HNRNPA2B1: variants seen among roughly 807,000 people sequenced by gnomAD.
The protein encoded by HNRNPA2B1 is heterogeneous nuclear ribonucleoproteins A2/B1.
A neutral mutation model predicts 46.3 loss-of-function variants in HNRNPA2B1; 3 were observed. The observed-to-expected ratio is 0.06, with a 90% CI of 0.03 to 0.17. HNRNPA2B1 has a LOEUF of 0.17. HNRNPA2B1 is among the 10% of genes least tolerant of loss of function. The probability of loss-of-function intolerance (pLI) is 1.00; values close to 1 mark genes in which losing one functional copy is unlikely to be tolerated. For synonymous variants in HNRNPA2B1, 225 were observed against 133.8 expected, an observed-to-expected ratio of 1.68 and a Z score of -4.70; for missense variants, 221 against 418.9, an observed-to-expected ratio of 0.53 and a Z score of 4.12.
intron 9 of HNRNPA2B1, 48 bp from the exon 10 acceptor site, chr7:26,192,625 C>A: frequency 6.9e-7 from 1 of 1,452,406 alleles, no homozygotes; most frequent in South Asian, 1.1e-5. Context: ...TTTGATTTCC[C>A]ATGATCAGCC....
intron 1 of HNRNPA2B1, 135 bp downstream of exon 1, chr7:26,200,437 A>T: frequency 1.1e-6 from 1 of 877,068 alleles, no homozygotes; most frequent in Non-Finnish European, 1.9e-6. Flanking sequence ...CCGTTCATAA[A>T]CCTTAAGCCC....
At position 26,197,719 on chromosome 7, in the gene HNRNPA2B1, T is replaced by C; in HGVS notation, c.20A>G (p.Gln7Arg). 6.2e-7 allele frequency: 1 copy of C among 1,613,348 alleles called. No individual in the cohort carries two copies. Among genetic ancestry groups the C allele is most frequent in the South Asian group, 1.1e-5 (1 of 90,900 alleles). Residue 7 changes from glutamine to arginine, a missense_variant, in exon 2 of 11, where the codon CAG becomes CGG. By Grantham distance (43) the Gln-to-Arg change is conservative. Transcript: ENST00000618183. ...GCCACCAATAAAGAGCTTACGGAAC[T>C]GTTCCTTTTCTCTCTGCAAAGGAAA... is the stretch of plus-strand genomic sequence containing the variant. MEREKE[Q>R]FRKLFIGGLS...
In HNRNPA2B1 at chr7:26,192,155, ATGT is replaced by A; in HGVS notation, c.*202_*204del. 1 of 181,286 alleles carries A rather than the reference ATGT, an allele frequency of 5.5e-6. No homozygotes were observed. Among genetic ancestry groups the A allele is most frequent in the Middle Eastern group, 2.3e-3 (1 of 438 alleles). The allele number at this position is 181,286 out of a possible 1,614,324, so 11.2% of individuals were successfully genotyped here. On this transcript the variant is annotated 3_prime_UTR_variant, in exon 11 of 11. Coordinates refer to ENST00000618183, the MANE Select transcript of HNRNPA2B1 (RefSeq NM_002137.4). ...ACAATCCTTCCTCCACAGTAAGGTA[ATGT>A]TATTAAATAATCCAATCCATTCACA... is the stretch of plus-strand genomic sequence containing the variant.
At chr7:26,198,059 A>C in intron 1 of HNRNPA2B1, 1 of 415,598 alleles carries the variant, frequency 2.4e-6, no homozygotes. Flanking sequence ...AAAAATAAAC[A>C]AATGTAGACC....
At chr7:26,196,137 C>A (rs1008926124) in intron 6 of HNRNPA2B1, among the ~76,000 whole-genome samples, 1 of 152,184 alleles carries the variant, frequency 6.6e-6, no homozygotes, top group Non-Finnish European at 1.5e-5. Context: ...CCTATTTATA[C>A]GTAAGAATGA....
At chr7:26,200,505 C>G (rs535725584) in intron 1 of HNRNPA2B1, 67 bp downstream of exon 1, 2 of 1,554,730 alleles carry the variant, frequency 1.3e-6, no homozygotes, top group Non-Finnish European at 1.8e-6. Context: ...GGCTGGCCGA[C>G]TTCCACTGAG....
intron 9 of HNRNPA2B1, 24 bp from the exon 10 acceptor site, chr7:26,192,601 G>T (rs771051414): frequency 6.3e-7 from 1 of 1,597,908 alleles, no homozygotes; most frequent in East Asian, 2.2e-5. Flanking sequence ...AACAGCAAGA[G>T]AAAACAAACT....
chr7:26,192,532 C>A lies in HNRNPA2B1; in HGVS notation c.1010G>T (p.Gly337Val). The A allele has an allele frequency of 2.5e-6, 4 of 1,613,902 alleles. No individual in the cohort carries two copies. The highest frequency in any genetic ancestry group is 3.4e-6 in the Non-Finnish European group (4 of 1,179,796). The change falls in exon 10 of 11, where the codon GGG (glycine) becomes GTG (valine). Residue 337 changes from glycine to valine, a missense_variant. Coordinates refer to ENST00000618183, the MANE Select transcript of HNRNPA2B1 (RefSeq NM_002137.4). The part of the protein sequence containing the change: ...GGSGGSGGYG[G>V]RSRY ...GGAAGAAGCTCAGTATCGGCTCCTC[C>A]CACCATAACCCCCACTTCCTCCACT...
At chr7:26,193,506 CA>C (rs2128110286) in intron 8 of HNRNPA2B1, 68 bp downstream of exon 8, 1 of 1,546,810 alleles carries the variant, frequency 6.5e-7, no homozygotes, top group East Asian at 2.3e-5. Flanking sequence ...AACATGGAAA[CA>C]AAAGATCAAG....
In HNRNPA2B1 at chr7:26,195,794, A is replaced by G. The variant is rs373748514; in HGVS notation, c.721+53T>C. The stretch of plus-strand genomic sequence containing the variant: ...AAAATATAAATGAAGTAAATATACG[A>G]TATAGTTAAGTATTAGTCACATAAA... On this transcript the variant is annotated intron_variant, in intron 7 of 10. Transcript: ENST00000618183. 1.2e-3 allele frequency: 1,870 copies of G among 1,578,280 alleles called. 2 individuals carry two copies. Among genetic ancestry groups the G allele is most frequent in the Non-Finnish European group, 1.5e-3 (1,761 of 1,161,704 alleles).
chr7:26,192,628 G>A (rs767113404), intron 9 of HNRNPA2B1, 51 bp from the exon 10 acceptor site: 1 of 1,448,504 alleles, frequency 6.9e-7, no homozygotes, highest in Admixed American at 1.7e-5. Context: ...GATTTCCCAT[G>A]ATCAGCCTAA....
In HNRNPA2B1 at chr7:26,200,738, GCTGCTA is replaced by G. The variant is rs1333735441; in HGVS notation, c.-167_-162del. On this transcript the variant is annotated 5_prime_UTR_variant, in exon 1 of 11. Coordinates refer to ENST00000618183, the MANE Select transcript of HNRNPA2B1 (RefSeq NM_002137.4). Reference sequence around the variant, plus strand: ...GCACCTCCGCACGGGACCCGGCGCTGCTGCTACTGCCGCTAGAGCCGCTGCCGCCGC... The same window carrying G: ...GCACCTCCGCACGGGACCCGGCGCTGCTGCCGCTAGAGCCGCTGCCGCCGC... 1.0e-5 allele frequency: 9 copies of G among 863,456 alleles called. No homozygotes were observed. The Admixed American group carries it at 1.7e-4, about 16-fold the overall frequency. 53.5% of individuals were successfully genotyped at this position (863,456 alleles called of 1,614,324 possible).
chr7:26,195,362 TG>T (rs1184736299), intron 7 of HNRNPA2B1, among the ~76,000 whole-genome samples: 1 of 152,234 alleles, frequency 6.6e-6, no homozygotes, highest in African/African-American at 2.4e-5. Flanking sequence ...TCACACTTCA[TG>T]TTTAATGGTA....
chr7:26,193,133 C>CTA, intron 9 of HNRNPA2B1, 118 bp downstream of exon 9: 1 of 966,400 alleles, frequency 1.0e-6, no homozygotes, highest in Non-Finnish European at 1.5e-6. Flanking sequence ...TTCACTAAGA[C>CTA]CGTACATGGA....
At chr7:26,195,496 A>C (rs1430166970) in intron 7 of HNRNPA2B1, among the ~76,000 whole-genome samples, 3 of 152,128 alleles carry the variant, frequency 2.0e-5, no homozygotes, top group Non-Finnish European at 4.4e-5. Context: ...CATATTTCAT[A>C]TTTTTTCCTA....
chr7:26,197,286 A>G (rs1399279029), intron 3 of HNRNPA2B1, 29 bp downstream of exon 3: 2 of 1,571,726 alleles, frequency 1.3e-6, no homozygotes, highest in Non-Finnish European at 8.6e-7. Flanking sequence ...TCTTCATGTT[A>G]ATGCACAAGA....
At chr7:26,195,139 T>A (rs1337822647) in intron 7 of HNRNPA2B1, among the ~76,000 whole-genome samples, 1 of 139,306 alleles carries the variant, frequency 7.2e-6, no homozygotes, top group Non-Finnish European at 1.5e-5. Flanking sequence ...AAAAAAAAGC[T>A]TGTGGGCTGA....
At chr7:26,200,352 C>A (rs916248712) in intron 1 of HNRNPA2B1, 12 of 611,514 alleles carry the variant, frequency 2.0e-5, no homozygotes, top group Non-Finnish European at 3.5e-5. Context: ...ATCCCCCACC[C>A]CCAGTGAAGG....
At chr7:26,199,010 GA>G (rs1403173900) in intron 1 of HNRNPA2B1, 1 of 152,138 alleles carries the variant, frequency 6.6e-6, no homozygotes, top group Non-Finnish European at 1.5e-5. Flanking sequence ...GCTCCTATGA[GA>G]CACAAAGCAG....
Sources: gnomAD v4.1 joint callset for allele counts (sites outside exome capture counted in the v4.1 genomes callset) on GRCh38, gnomAD v4.1.1 for gene constraint, MANE v1.5 for transcripts, NCBI Gene and HGNC (gene_info 2026-07-23, HGNC 2026-07-21) for gene names.